The following SLC4A4 variants were observed in gnomAD, a reference collection of about 807,000 sequenced individuals.
SLC4A4 encodes solute carrier family 4 member 4, also known as electrogenic sodium bicarbonate cotransporter 1.
Under a neutral mutation model 111.5 loss-of-function variants are expected in SLC4A4, and 27 were observed. The ratio of observed to expected loss-of-function variants is 0.24; its 90% CI spans 0.18 to 0.33. The LOEUF (loss-of-function observed/expected upper bound fraction) is 0.33. SLC4A4 is among the 10% of genes least tolerant of loss of function. The pLI, the probability that SLC4A4 is intolerant of heterozygous loss-of-function variation, is 1.00. For synonymous variants in SLC4A4, 443 were observed against 463.4 expected, an observed-to-expected ratio of 0.96 and a Z score of 0.57; for missense variants, 909 against 1,315.5, an observed-to-expected ratio of 0.69 and a Z score of 4.78.
At chr4:71,064,199 C>T (rs1438941455) in intron 1 of SLC4A4, among the ~76,000 whole-genome samples, 1 of 152,220 alleles carries the variant, frequency 6.6e-6, no homozygotes, top group African/African-American at 2.4e-5. Flanking sequence ...CCTGGATTTA[C>T]TGTATCCTGG....
At chr4:71,392,469 A>G (rs963225673) in intron 6 of SLC4A4, among the ~76,000 whole-genome samples, 3 of 152,104 alleles carry the variant, frequency 2.0e-5, no homozygotes, top group Non-Finnish European at 4.4e-5. Context: ...TAACTGGTTT[A>G]TTTAGAGTAG....
chr4:71,190,492 C>T (rs775767195), intron 1 of SLC4A4, among the ~76,000 whole-genome samples: 2 of 151,778 alleles, frequency 1.3e-5, no homozygotes, highest in African/African-American at 2.4e-5. Flanking sequence ...TAACTACTTT[C>T]GTAATACTTC....
rs1736608512 is a variant in SLC4A4, at chr4:71,557,820, G to A, written c.2872G>A (p.Val958Met). 6.2e-7 allele frequency: 1 copy of A among 1,612,590 alleles called. No homozygotes were observed. The highest frequency in any genetic ancestry group is 1.3e-5 in the African/African-American group (1 of 74,786). ...RRVHLFTFLQVLCLALLWILK... is the reference protein window; with the variant it reads ...RRVHLFTFLQMLCLALLWILK... The stretch of plus-strand genomic sequence containing the variant: ...AGTCCACCTGTTCACTTTCCTGCAG[G>A]TGTTGTGTCTGGCCCTGCTTTGGAT... The change falls in exon 22 of 26, where the codon GTG becomes ATG. Residue 958 changes from valine (V) to methionine (M), a missense_variant. Physicochemically the swap from Val to Met is conservative, Grantham distance 21. Around this residue, in one of 7 missense-constraint regions of SLC4A4, gnomAD observed 104 missense variants for 219.5 expected, o/e 0.47. Coordinates refer to ENST00000264485, the MANE Select transcript of SLC4A4 (RefSeq NM_001098484.3).
rs1234333293 is a variant in SLC4A4 at position 71,140,220 on chromosome 4, G to A, written c.-2+47428G>A. ...AGATGGCTTGAGCTCAGGAGTTCAAGACCAGCCTGGGCAACATGGTGAAAC... is the reference window on the plus strand; with the variant it reads ...AGATGGCTTGAGCTCAGGAGTTCAAAACCAGCCTGGGCAACATGGTGAAAC... On this transcript the variant is annotated intron_variant, in intron 2 of 26. Coordinates refer to the SLC4A4 transcript ENST00000649996. Among the ~76,000 whole-genome samples the A allele has an allele frequency of 1.4e-4, 21 of 152,144 alleles. 1 individual carries two copies. Among genetic ancestry groups the A allele is most frequent in the Admixed American group, 1.4e-3 (21 of 15,270 alleles).
At chr4:71,228,013 T>C (rs977165802) in intron 1 of SLC4A4, among the ~76,000 whole-genome samples, 2 of 152,160 alleles carry the variant, frequency 1.3e-5, no homozygotes, top group Non-Finnish European at 2.9e-5. Flanking sequence ...CCATTAAAAA[T>C]ATTAAGGAGC....
At position 71,315,431 on chromosome 4, in the gene SLC4A4, A is replaced by G. The variant is rs928010594; in HGVS notation, c.254-23939A>G. On this transcript the variant is annotated intron_variant, in intron 3 of 25. Transcript: ENST00000264485. The stretch of plus-strand genomic sequence containing the variant: ...TTTTTAATCATAGTTTTATTATGAT[A>G]AGAAACTGAAAGGATGCAAAAGAGT... Among the ~76,000 whole-genome samples the G allele has an allele frequency of 6.6e-5, 10 of 152,174 alleles. 1 individual carries two copies. The South Asian group carries it at 1.0e-3, about 16-fold the overall frequency.
chr4:71,334,220 T>C (rs891338075), intron 3 of SLC4A4, among the ~76,000 whole-genome samples: 5 of 152,094 alleles, frequency 3.3e-5, no homozygotes, highest in Non-Finnish European at 2.9e-5. Context: ...GGTCTCTTAG[T>C]CAGCAGGTGA....
intron 7 of SLC4A4, among the ~76,000 whole-genome samples, chr4:71,426,167 C>T (rs1385787846): frequency 6.6e-6 from 1 of 151,932 alleles, no homozygotes; most frequent in Non-Finnish European, 1.5e-5. Context: ...CTTAAAATCT[C>T]TGTTTCAATG....
chr4:71,424,285 A>T (rs1228667284), intron 7 of SLC4A4, among the ~76,000 whole-genome samples: 1 of 152,104 alleles, frequency 6.6e-6, no homozygotes, highest in East Asian at 1.9e-4. Flanking sequence ...TCAAAACCAC[A>T]ATGAGATATC....
intron 1 of SLC4A4, among the ~76,000 whole-genome samples, chr4:71,234,066 C>T (rs1278328459): frequency 6.6e-6 from 1 of 152,186 alleles, no homozygotes; most frequent in East Asian, 1.9e-4. Context: ...TTGCTGTTCC[C>T]TTTGCTTGGA....
chr4:71,423,154 G>A (rs1160773393), intron 7 of SLC4A4, among the ~76,000 whole-genome samples: 3 of 152,056 alleles, frequency 2.0e-5, no homozygotes, highest in Admixed American at 6.6e-5. Context: ...AGGATACAAA[G>A]TCAATGTACA....
chr4:71,371,564 T>G (rs1001879624), intron 6 of SLC4A4, among the ~76,000 whole-genome samples: 1 of 152,136 alleles, frequency 6.6e-6, no homozygotes, highest in African/African-American at 2.4e-5. Context: ...TTTTCCAGTA[T>G]ACCTATCCAA....
At chr4:71,425,934 G>C (rs896487403) in intron 7 of SLC4A4, among the ~76,000 whole-genome samples, 3 of 152,086 alleles carry the variant, frequency 2.0e-5, no homozygotes, top group African/African-American at 7.2e-5. Flanking sequence ...CAGAAGATCA[G>C]GGAAAAGACC....
At chr4:71,093,169 CT>C (rs201572936) in intron 2 of SLC4A4, among the ~76,000 whole-genome samples, 2 of 151,896 alleles carry the variant, frequency 1.3e-5, no homozygotes, top group Non-Finnish European at 2.9e-5. Context: ...TTTTTCTTTT[CT>C]TTTTTTCCTT....
chr4:71,497,714 G>A (rs2149150568), intron 16 of SLC4A4, 22 bp downstream of exon 16: 2 of 1,579,288 alleles, frequency 1.3e-6, no homozygotes, highest in Non-Finnish European at 1.7e-6. Context: ...AACTTTAAAT[G>A]ATTTTCATTG....
chr4:71,437,379 T>TTATTA, intron 7 of SLC4A4: 1 of 316,120 alleles, frequency 3.2e-6, no homozygotes, highest in Non-Finnish European at 6.2e-6. Context: ...TAGAAACTAC[T>TTATTA]ATCAGTTTGT....
intron 3 of SLC4A4, among the ~76,000 whole-genome samples, chr4:71,308,890 C>T (rs1182287360): frequency 6.6e-6 from 1 of 152,144 alleles, no homozygotes; most frequent in Non-Finnish European, 1.5e-5. Flanking sequence ...ACCGTTTTCT[C>T]CCCTAGAAAG....
chr4:71,441,367 G>A (rs147392121), intron 8 of SLC4A4, among the ~76,000 whole-genome samples: 3 of 152,288 alleles, frequency 2.0e-5, no homozygotes, highest in African/African-American at 7.2e-5. Context: ...CTGAAACTGA[G>A]CTCCACAGAG....
At chr4:71,142,086 C>T (rs1439118429) in intron 2 of SLC4A4, among the ~76,000 whole-genome samples, 3 of 152,174 alleles carry the variant, frequency 2.0e-5, no homozygotes, top group African/African-American at 4.8e-5. Context: ...ATAATAGAGA[C>T]AGGTTTAATC....
Sources: allele counts gnomAD v4.1 joint callset (sites outside exome capture counted in the v4.1 genomes callset), GRCh38; gene constraint gnomAD v4.1.1; regional missense constraint gnomAD v4.1.1; transcripts MANE v1.5; gene names NCBI Gene and HGNC (gene_info 2026-07-23, HGNC 2026-07-21).